CDC34: variants seen among roughly 807,000 people sequenced by gnomAD.
CDC34 encodes cell division cycle 34, ubiquitin conjugating enzyme, also known as ubiquitin-conjugating enzyme E2 R1.
CDC34 carries 18 observed loss-of-function variants against 26.8 expected under a neutral mutation model. The observed-to-expected ratio is 0.67, with a 90% CI of 0.47 to 1.00. The LOEUF (loss-of-function observed/expected upper bound fraction) is 1.00. Ranked by LOEUF, CDC34 falls within the 50% of genes least tolerant of loss-of-function variation. The pLI is 0.00. For missense variants in CDC34, 280 were observed against 334.5 expected (o/e 0.84, Z 1.27); for synonymous variants, 178 against 147.5 (o/e 1.21, Z -1.50).
At chr19:541,151 G>A (rs941085781) in intron 4 of CDC34, 188 bp from the exon 5 acceptor site, 26 of 724,278 alleles carry the variant, frequency 3.6e-5, no homozygotes, top group Admixed American at 6.7e-5. Context: ...TGCCCTTCCC[G>A]AGCCCCCTCC....
intron 1 of CDC34, among the ~76,000 whole-genome samples, chr19:534,110 G>A (rs1046594254): frequency 6.6e-6 from 1 of 152,202 alleles, no homozygotes; most frequent in South Asian, 2.1e-4. Context: ...GACTTGGTGG[G>A]GTTTGGTACA....
In CDC34 at chr19:537,170, C is replaced by T. The variant is rs202107697; in HGVS notation, c.497+23C>T. On this transcript the variant is annotated intron_variant, in intron 4 of 4. Coordinates refer to ENST00000215574, the MANE Select transcript of CDC34 (RefSeq NM_004359.2). ...CCGGTGAGGGCGGGCGGGGGCGTCACGGGAGGAGAGACTCAGATCCGGCCT... is the reference window on the plus strand; with the variant it reads ...CCGGTGAGGGCGGGCGGGGGCGTCATGGGAGGAGAGACTCAGATCCGGCCT... 117 of 1,610,848 alleles carry T rather than the reference C, an allele frequency of 7.3e-5. No individual in the cohort carries two copies. The African/African-American group carries it at 1.2e-3, about 17-fold the overall frequency.
chr19:540,125 C>CCGGAGGCCGGGATGGCCAGGCCCCCCAG (rs1979948174), intron 4 of CDC34, among the ~76,000 whole-genome samples: 1 of 23,338 alleles, frequency 4.3e-5, no homozygotes, highest in African/African-American at 1.3e-4. Context: ...AGGCCCCCCA[C>CCGGAGGCCGGGATGGCCAGGCCCCCCAG]GTTTAGAATC....
intron 3 of CDC34, 200 bp from the exon 4 acceptor site, chr19:536,813 G>A (rs1979777294): frequency 3.2e-6 from 2 of 618,870 alleles, no homozygotes. Flanking sequence ...GCCCTCCCTG[G>A]TCTTGGCGTG....
intron 1 of CDC34, among the ~76,000 whole-genome samples, chr19:534,612 A>G (rs12984708): frequency 0.063 from 2,058 of 32,698 alleles, 122 homozygotes; most frequent in African/African-American, 0.12. Flanking sequence ...CCCTGTCCAG[A>G]CCTCGCCCAC....
At chr19:534,601 G>T (rs7249253) in intron 1 of CDC34, among the ~76,000 whole-genome samples, 3,072 of 23,786 alleles carry the variant, frequency 0.13, 274 homozygotes, top group African/African-American at 0.24. Flanking sequence ...CCGAGTGCCC[G>T]CCCTGTCCAG....
At chr19:536,984 C>T (rs370722276) in intron 3 of CDC34, 29 bp from the exon 4 acceptor site, 63 of 1,612,746 alleles carry the variant, frequency 3.9e-5, no homozygotes, top group South Asian at 9.9e-5. Context: ...TGCCCCGGGC[C>T]GCCCCACTCC....
intron 4 of CDC34, among the ~76,000 whole-genome samples, chr19:537,508 A>T (rs1267396202): frequency 6.6e-6 from 1 of 151,748 alleles, no homozygotes; most frequent in Admixed American, 6.6e-5. Flanking sequence ...GCCCGTCACC[A>T]CGCCCGGCTA....
chr19:535,062 G>A (rs973121053), intron 1 of CDC34, among the ~76,000 whole-genome samples: 3 of 152,340 alleles, frequency 2.0e-5, no homozygotes, highest in East Asian at 3.9e-4. Context: ...TTTACCTGCT[G>A]TGGCCCAGGA....
rs1188777364 is a variant in CDC34 at position 537,005 on chromosome 19, C to T, written c.363-8C>T. 1.9e-6 allele frequency: 3 copies of T among 1,613,404 alleles called. No individual in the cohort carries two copies. The highest frequency in any genetic ancestry group is 2.5e-6 in the Non-Finnish European group (3 of 1,179,948). The stretch of plus-strand genomic sequence containing the variant: ...GGGCCGCCCCACTCCGACCCACTCT[C>T]CCCACAGGACCATTCTCCTGAGTGT... On this transcript the variant is annotated splice_polypyrimidine_tract_variant and splice_region_variant and intron_variant, in intron 3 of 4. Transcript: ENST00000215574.
At chr19:533,082 C>T (rs1207477350) in intron 1 of CDC34, among the ~76,000 whole-genome samples, 1 of 152,182 alleles carries the variant, frequency 6.6e-6, no homozygotes, top group African/African-American at 2.4e-5. Flanking sequence ...GGACTCAGGC[C>T]AAAACCAGGG....
At chr19:537,212 TC>T in intron 4 of CDC34, 65 bp downstream of exon 4, 1 of 1,572,314 alleles carries the variant, frequency 6.4e-7, no homozygotes, top group Non-Finnish European at 8.7e-7. Context: ...CGGCCCCTGG[TC>T]CCACGGCCGC....
rs1055698509 is a variant in CDC34, at chr19:541,741, G to A, written c.*189G>A. 3 of 551,664 alleles carry A rather than the reference G, an allele frequency of 5.4e-6. No individual in the cohort carries two copies. The highest frequency in any genetic ancestry group is 8.7e-6 in the Non-Finnish European group (3 of 343,030). 34.2% of individuals were successfully genotyped at this position (551,664 alleles called of 1,614,324 possible). On this transcript the variant is annotated 3_prime_UTR_variant, in exon 5 of 5. Coordinates refer to ENST00000215574, the MANE Select transcript of CDC34 (RefSeq NM_004359.2). ...TTCAGAGAAGAGGGGCTGCCCCACC[G>A]CCACTCACGTCACTCGGGGCTCGGT...
chr19:538,271 A>G (rs776804013), intron 4 of CDC34, among the ~76,000 whole-genome samples: 1 of 152,218 alleles, frequency 6.6e-6, no homozygotes, highest in South Asian at 2.1e-4. Flanking sequence ...AGCTCTGGGT[A>G]CAGCTGTGCA....
chr19:536,374 A>C lies in CDC34; in HGVS notation c.362+34A>C, dbSNP rs17841748. 9.9e-6 allele frequency: 15 copies of C among 1,510,098 alleles called. No individual in the cohort carries two copies. In the African/African-American group the frequency reaches 1.3e-4, roughly 13 times the overall value. 93.5% of individuals were successfully genotyped at this position (1,510,098 alleles called of 1,614,324 possible). Reference sequence around the variant, plus strand: ...GCCCAACCCCCTGTGTCCACCCAGAACATCAGGTAGGCCGGGCTCCGTCCC... The same window carrying C: ...GCCCAACCCCCTGTGTCCACCCAGACCATCAGGTAGGCCGGGCTCCGTCCC... On this transcript the variant is annotated intron_variant, in intron 3 of 4. Coordinates refer to ENST00000215574, the MANE Select transcript of CDC34 (RefSeq NM_004359.2).
chr19:531,849 G>A lies in CDC34; in HGVS notation c.-83G>A. The A allele has an allele frequency of 1.1e-6, 1 of 913,426 alleles. No homozygotes were observed. The allele number at this position is 913,426 out of a possible 1,614,324, so 56.6% of individuals were successfully genotyped here. A position where few individuals can be genotyped will look rare whatever the true frequency, so the allele number is the denominator to read the frequency against. On this transcript the variant is annotated 5_prime_UTR_variant, in exon 1 of 5. It adds an upstream start codon to the 5' untranslated region. Coordinates refer to ENST00000215574, the MANE Select transcript of CDC34 (RefSeq NM_004359.2). ...GGCCCCGGTGGCTCCCCCCCGGACG[G>A]TGCGCGGCCCGGCCCGTCTCGCGAA... is the stretch of plus-strand genomic sequence containing the variant.
At chr19:538,688 C>T in intron 4 of CDC34, 1 of 984,664 alleles carries the variant, frequency 1.0e-6, no homozygotes, top group South Asian at 4.7e-5. Flanking sequence ...GACCCAGGAG[C>T]ATCCAGGGCA....
Position 537,277 on chromosome 19 carries a change from G to A in CDC34, c.497+130G>A, listed in dbSNP as rs1979800120. 6 of 1,064,484 alleles carry A rather than the reference G, an allele frequency of 5.6e-6. No individual in the cohort carries two copies. The South Asian group carries it at 7.4e-5, about 13-fold the overall frequency. 65.9% of individuals were successfully genotyped at this position (1,064,484 alleles called of 1,614,324 possible). A position where few individuals can be genotyped will look rare whatever the true frequency, so the allele number is the denominator to read the frequency against. On this transcript the variant is annotated intron_variant, in intron 4 of 4. Transcript: ENST00000215574. ...GGAGCTTCCTGGTGCCCATTTACAG[G>A]GTGCCAGTCACAGATGGAGGCCGGG...
intron 4 of CDC34, 114 bp from the exon 5 acceptor site, chr19:541,225 C>T: frequency 7.4e-7 from 1 of 1,348,518 alleles, no homozygotes. Flanking sequence ...TCGCCACACG[C>T]CGTTTTAAGA....
Sources: gnomAD v4.1 joint callset for allele counts (sites outside exome capture counted in the v4.1 genomes callset) on GRCh38, gnomAD v4.1.1 for gene constraint, MANE v1.5 for transcripts, NCBI Gene and HGNC (gene_info 2026-07-23, HGNC 2026-07-21) for gene names.